Variants in ADGB observed in about 807,000 individuals in gnomAD.
The protein encoded by ADGB is androglobin.
Under a neutral mutation model 210.5 loss-of-function variants are expected in ADGB, and 172 were observed. The observed-to-expected ratio is 0.82, with a 90% confidence interval of 0.72 to 0.93. The LOEUF (loss-of-function observed/expected upper bound fraction) is 0.93. Among genes scored for constraint, ADGB ranks in the 40% least tolerant of loss-of-function variants. The pLI, the probability that ADGB is intolerant of heterozygous loss-of-function variation, is 0.00. For synonymous variants in ADGB, 658 were observed against 662.7 expected (o/e 0.99, Z 0.11); for missense variants, 2,025 against 1,964.8 (o/e 1.03, Z -0.58).
intron 3 of ADGB, among the ~76,000 whole-genome samples, chr6:146,650,169 G>T (rs1775680014): frequency 6.6e-6 from 1 of 151,988 alleles, no homozygotes; most frequent in Non-Finnish European, 1.5e-5. Flanking sequence ...CAAAATTTTG[G>T]GTAAAGCTGT....
intron 27 of ADGB, among the ~76,000 whole-genome samples, chr6:146,753,252 C>T (rs1011246860): frequency 1.3e-5 from 2 of 151,928 alleles, no homozygotes; most frequent in African/African-American, 4.8e-5. Flanking sequence ...AACAAGGGAA[C>T]AAGAAATGCC....
intron 20 of ADGB, among the ~76,000 whole-genome samples, chr6:146,731,872 T>C (rs1294260271): frequency 6.6e-6 from 1 of 152,132 alleles, no homozygotes; most frequent in Non-Finnish European, 1.5e-5. Flanking sequence ...TGTGGGGGAA[T>C]CGGGCACGGA....
At chr6:146,804,249 T>TCTCCCTC (rs113450700) in intron 35 of ADGB, among the ~76,000 whole-genome samples, 14,500 of 152,022 alleles carry the variant, frequency 0.095, 659 homozygotes, top group Middle Eastern at 0.17. Context: ...AATCTTTTTT[T>TCTCCCTC]CTCCCTGCAA....
intron 26 of ADGB, among the ~76,000 whole-genome samples, chr6:146,746,664 T>C (rs1777243385): frequency 6.6e-6 from 1 of 152,200 alleles, no homozygotes; most frequent in Non-Finnish European, 1.5e-5. Flanking sequence ...ATTTACATAC[T>C]CATCCTTTAC....
chr6:146,646,006 A>C (rs1775604673), intron 3 of ADGB, among the ~76,000 whole-genome samples: 1 of 152,128 alleles, frequency 6.6e-6, no homozygotes, highest in African/African-American at 2.4e-5. Context: ...GTTACTAACA[A>C]TATTCAGTCT....
chr6:146,758,154 A>T (rs558929518), intron 27 of ADGB, among the ~76,000 whole-genome samples: 2 of 152,028 alleles, frequency 1.3e-5, no homozygotes, highest in Non-Finnish European at 2.9e-5. Context: ...TCTCATTCAA[A>T]CTTGCCCAAC....
chr6:146,661,181 CTT>C (rs1055097181), intron 5 of ADGB, among the ~76,000 whole-genome samples: 3 of 147,086 alleles, frequency 2.0e-5, no homozygotes, highest in African/African-American at 7.4e-5. Flanking sequence ...TCTAATATAG[CTT>C]TCTTTTCCTT....
At chr6:146,622,006 A>G (rs888648036) in intron 1 of ADGB, among the ~76,000 whole-genome samples, 2 of 152,172 alleles carry the variant, frequency 1.3e-5, no homozygotes, top group Non-Finnish European at 2.9e-5. Context: ...GGCCACCAGC[A>G]CTATATGAAA....
intron 9 of ADGB, 137 bp from the exon 10 acceptor site, chr6:146,685,597 A>G: frequency 2.1e-6 from 1 of 466,082 alleles, no homozygotes; most frequent in African/African-American, 2.0e-5. Context: ...CATCTGTTAA[A>G]TTCATTTTGC....
At chr6:146,689,773 G>T (rs1192637039) in intron 10 of ADGB, among the ~76,000 whole-genome samples, 2 of 152,010 alleles carry the variant, frequency 1.3e-5, no homozygotes, top group African/African-American at 2.4e-5. Context: ...TCCATTGAAA[G>T]AATTAGTTTC....
At chr6:146,616,653 C>A (rs1029648631) in intron 1 of ADGB, among the ~76,000 whole-genome samples, 3 of 152,018 alleles carry the variant, frequency 2.0e-5, no homozygotes, top group African/African-American at 7.2e-5. Context: ...ATGTGAATAT[C>A]CAATTTCCCC....
intron 1 of ADGB, among the ~76,000 whole-genome samples, chr6:146,614,016 C>A (rs1470126286): frequency 6.6e-6 from 1 of 151,692 alleles, no homozygotes; most frequent in Non-Finnish European, 1.5e-5. Flanking sequence ...AATATGTAGA[C>A]AAAACAAACT....
At position 146,721,623 on chromosome 6, in the gene ADGB, A is replaced by T. The variant is rs1045684145; in HGVS notation, c.2095+118A>T. 7 of 541,966 alleles carry T rather than the reference A, an allele frequency of 1.3e-5. No homozygotes were observed. In the African/African-American group the frequency reaches 1.5e-4, roughly 12 times the overall value. The allele number at this position is 541,966 out of a possible 1,614,324, so 33.6% of individuals were successfully genotyped here. A position where few individuals can be genotyped will look rare whatever the true frequency, so the allele number is the denominator to read the frequency against. On this transcript the variant is annotated intron_variant, in intron 17 of 35. Transcript: ENST00000397944. ...GAGGCTGAGGCGGGTGGATCACCTGAAGTCAGGAGTCCTAGGCCAGCCTGA... is the reference window on the plus strand; with the variant it reads ...GAGGCTGAGGCGGGTGGATCACCTGTAGTCAGGAGTCCTAGGCCAGCCTGA...
At chr6:146,674,164 T>C (rs6903650) in intron 8 of ADGB, among the ~76,000 whole-genome samples, 118,377 of 152,074 alleles carry the variant, frequency 0.78, 47,028 homozygotes, top group African/African-American at 0.94. Flanking sequence ...GAGGTCATTG[T>C]GCACTTGTGA....
At chr6:146,662,988 A>G (rs539359707) in intron 5 of ADGB, among the ~76,000 whole-genome samples, 1 of 146,258 alleles carries the variant, frequency 6.8e-6, no homozygotes, top group African/African-American at 2.5e-5. Context: ...TGTATATAAT[A>G]TATATCTTAA....
intron 35 of ADGB, among the ~76,000 whole-genome samples, chr6:146,807,003 A>G (rs1209985384): frequency 6.6e-6 from 1 of 152,222 alleles, no homozygotes; most frequent in East Asian, 1.9e-4. Flanking sequence ...ATCATCAAGT[A>G]TAGCTCATAT....
intron 29 of ADGB, among the ~76,000 whole-genome samples, chr6:146,772,418 AT>A (rs1041356856): frequency 8.8e-6 from 1 of 113,714 alleles, no homozygotes; most frequent in Non-Finnish European, 2.0e-5. Flanking sequence ...TATATATTAT[AT>A]TTATTATATA....
intron 35 of ADGB, among the ~76,000 whole-genome samples, chr6:146,812,870 G>T (rs1778322746): frequency 6.6e-6 from 1 of 152,170 alleles, no homozygotes; most frequent in African/African-American, 2.4e-5. Context: ...TATGGGGTCG[G>T]ACAAATGTGC....
At chr6:146,621,230 A>T in intron 1 of ADGB, among the ~76,000 whole-genome samples, 1 of 152,034 alleles carries the variant, frequency 6.6e-6, no homozygotes, top group East Asian at 1.9e-4. Flanking sequence ...CCAGCTAGGG[A>T]TTTAGGCATT....
Sources: allele counts gnomAD v4.1 joint callset (sites outside exome capture counted in the v4.1 genomes callset), GRCh38; gene constraint gnomAD v4.1.1; transcripts MANE v1.5; gene names NCBI Gene and HGNC (gene_info 2026-07-23, HGNC 2026-07-21).